PLCXD1: variants seen among roughly 807,000 people sequenced by gnomAD.
PLCXD1 encodes the protein phosphatidylinositol specific phospholipase C X domain containing 1, also known as PI-PLC X domain-containing protein 1.
Under a neutral mutation model 37.8 loss-of-function variants are expected in PLCXD1, and 45 were observed. The observed-to-expected ratio is 1.19, with a 90% CI of 0.94 to 1.53. The LOEUF is 1.53. PLCXD1 is among the 40% of genes most tolerant of loss of function. PLCXD1 has a pLI of 0.00. For missense variants in PLCXD1, 539 were observed against 454.7 expected (o/e 1.19, Z -1.69); for synonymous variants, 246 against 206.9 (o/e 1.19, Z -1.62).
chrX:299,003 C>G (rs1332668483), intron 6 of PLCXD1, 94 bp from the exon 7 acceptor site: 3 of 963,074 alleles, frequency 3.1e-6, no homozygotes, highest in Non-Finnish European at 5.0e-6. Context: ...CTCTTAATTC[C>G]TGAGATGCGA....
intron 6 of PLCXD1, among the ~76,000 whole-genome samples, chrX:295,844 T>C (rs1168937382): frequency 2.0e-5 from 3 of 151,282 alleles, no homozygotes; most frequent in African/African-American, 7.3e-5. Flanking sequence ...TTTTTGTTTG[T>C]GTGTTTGTTT....
intron 2 of PLCXD1, among the ~76,000 whole-genome samples, 197 bp downstream of exon 2, chrX:284,511 C>G (rs776933818): frequency 1.3e-5 from 2 of 152,312 alleles, no homozygotes; most frequent in African/African-American, 2.4e-5. Context: ...CACATATGTA[C>G]ATAGTCATGG....
intron 3 of PLCXD1, among the ~76,000 whole-genome samples, chrX:290,399 C>T (rs2069591491): frequency 6.6e-6 from 1 of 151,042 alleles, no homozygotes; most frequent in Non-Finnish European, 1.5e-5. Flanking sequence ...CACTGCACTC[C>T]AGCCTGGGTG....
At chrX:283,535 C>T (rs1280923909) in intron 1 of PLCXD1, 1 of 143,910 alleles carries the variant, frequency 6.9e-6, no homozygotes, top group Admixed American at 7.0e-5. Flanking sequence ...TGGGGGCGGC[C>T]GTGGTGTCAG....
At chrX:283,858 C>T (rs28393947) in intron 1 of PLCXD1, 139,341 of 198,858 alleles carry the variant, frequency 0.7, 49,882 homozygotes, top group African/African-American at 0.72. Context: ...CCAAGGACCC[C>T]TTTTCCTCTC....
At position 302,594 on chromosome X, in the gene PLCXD1, C is replaced by G. The variant is rs57503874; in HGVS notation, c.*3259C>G. The G allele has an allele frequency of 6.6e-6, 1 of 151,434 alleles. No individual in the cohort carries two copies. Among genetic ancestry groups the G allele is most frequent in the South Asian group, 2.1e-4 (1 of 4,774 alleles). 9.4% of individuals were successfully genotyped at this position (151,434 alleles called of 1,614,324 possible). A position where few individuals can be genotyped will look rare whatever the true frequency, so the allele number is the denominator to read the frequency against. Reference sequence around the variant, plus strand: ...TTGTATTTTTATTTATGTTTTGAGACGGAGTTTCGCTCTCGTTGCCGAGGC... The same window carrying G: ...TTGTATTTTTATTTATGTTTTGAGAGGGAGTTTCGCTCTCGTTGCCGAGGC... On this transcript the variant is annotated 3_prime_UTR_variant, in exon 7 of 7. Coordinates refer to ENST00000381657, the MANE Select transcript of PLCXD1 (RefSeq NM_018390.4).
intron 1 of PLCXD1, chrX:283,582 G>T (rs1395378684): frequency 6.9e-6 from 1 of 145,006 alleles, no homozygotes; most frequent in South Asian, 2.1e-4. Context: ...AGGCCCGGGT[G>T]GGGGCGGCCG....
rs777367826 is a variant in PLCXD1, at chrX:300,657, TAC to T, written c.*1327_*1328del. ...ATGTATATGTGTGTATGCGTGTATA[TAC>T]ACACGTATACATATATACGTGCGTG... On this transcript the variant is annotated 3_prime_UTR_variant, in exon 7 of 7. Coordinates refer to ENST00000381657, the MANE Select transcript of PLCXD1 (RefSeq NM_018390.4). The T allele has an allele frequency of 1.5e-3, 234 of 152,198 alleles. 1 individual carries two copies. Among genetic ancestry groups the T allele is most frequent in the African/African-American group, 5.0e-3 (207 of 41,506 alleles). 9.4% of individuals were successfully genotyped at this position (152,198 alleles called of 1,614,324 possible).
At chrX:296,940 G>A (rs1324431220) in intron 6 of PLCXD1, among the ~76,000 whole-genome samples, 1 of 133,488 alleles carries the variant, frequency 7.5e-6, no homozygotes. Flanking sequence ...ATCACATGGG[G>A]ATTAGGACGT....
rs374409639 is a variant in PLCXD1, at chrX:284,262, G to A, written c.75G>A (p.Ser25=). Residue 25 remains serine, a synonymous_variant, in exon 2 of 7, where the codon TCG becomes TCA. Coordinates refer to ENST00000381657, the MANE Select transcript of PLCXD1 (RefSeq NM_018390.4). ...HCRNANEDWM[S]ALCPRLWDVP... ...GAAATGCCAACGAGGACTGGATGTC[G>A]GCACTGTGTCCCCGGCTCTGGGATG... is the stretch of plus-strand genomic sequence containing the variant. 1.5e-5 allele frequency: 24 copies of A among 1,613,448 alleles called. No individual in the cohort carries two copies. Among genetic ancestry groups the A allele is most frequent in the Middle Eastern group, 1.7e-4 (1 of 5,786 alleles).
intron 2 of PLCXD1, among the ~76,000 whole-genome samples, chrX:287,062 G>A (rs1189589495): frequency 1.3e-5 from 2 of 151,920 alleles, no homozygotes; most frequent in African/African-American, 4.8e-5. Flanking sequence ...GGTGGCTCAC[G>A]CCTGTAATCC....
intron 3 of PLCXD1, among the ~76,000 whole-genome samples, chrX:289,607 G>T (rs1020499224): frequency 2.5e-4 from 37 of 149,598 alleles, no homozygotes; most frequent in Admixed American, 2.2e-3. Context: ...CGCCTCCCGG[G>T]TTCACGCCAT....
Position 292,131 on chromosome X carries a change from C to A in PLCXD1, c.549+477C>A, listed in dbSNP as rs369888154. Among the ~76,000 whole-genome samples, 17 of 151,660 alleles carry A rather than the reference C, an allele frequency of 1.1e-4. No individual in the cohort carries two copies. In the East Asian group the frequency reaches 3.3e-3, roughly 30 times the overall value. The stretch of plus-strand genomic sequence containing the variant: ...CCTGGCCAACATGGTGAAACCCCGT[C>A]TCTACTAAAAATACCAAAATTATCT... On this transcript the variant is annotated intron_variant, in intron 5 of 6. Transcript: ENST00000381657.
intron 1 of PLCXD1, among the ~76,000 whole-genome samples, chrX:282,434 G>A (rs1295842951): frequency 1.3e-5 from 2 of 151,720 alleles, no homozygotes; most frequent in African/African-American, 4.8e-5. Context: ...GCTGGGCACC[G>A]TGGCTCACGC....
chrX:288,348 T>C (rs907115383), intron 2 of PLCXD1, among the ~76,000 whole-genome samples: 10 of 150,658 alleles, frequency 6.6e-5, no homozygotes, highest in African/African-American at 2.4e-4. Context: ...CTCTCCCAGC[T>C]CCTGGGGGCT....
At chrX:284,354 A>T (rs1265266778) in intron 2 of PLCXD1, 40 bp downstream of exon 2, 3 of 1,608,886 alleles carry the variant, frequency 1.9e-6, no homozygotes, top group Non-Finnish European at 2.5e-6. Context: ...CCTCTATCCC[A>T]GGTGACGGCA....
At chrX:290,599 C>T in intron 3 of PLCXD1, 49 bp from the exon 4 acceptor site, 3 of 1,607,310 alleles carry the variant, frequency 1.9e-6, no homozygotes, top group Non-Finnish European at 1.7e-6. Context: ...CTGAGCCCCC[C>T]AGACGCGGCG....
chrX:296,923 T>C (rs866432970), intron 6 of PLCXD1, among the ~76,000 whole-genome samples: 225 of 103,176 alleles, frequency 2.2e-3, no homozygotes, highest in African/African-American at 9.4e-3. Context: ...GGGCCATTAT[T>C]CTGTCTATCA....
Position 283,523 on chromosome X carries a change from A to AGTGGGGGCGGCCTTGGTGTCAGGCCCGG in PLCXD1, c.-21-632_-21-631insTTGGTGTCAGGCCCGGGTGGGGGCGGCC, listed in dbSNP as rs1557375328. The AGTGGGGGCGGCCTTGGTGTCAGGCCCGG allele has an allele frequency of 1.4e-3, 127 of 93,860 alleles. 3 individuals are homozygous for AGTGGGGGCGGCCTTGGTGTCAGGCCCGG. Among genetic ancestry groups the AGTGGGGGCGGCCTTGGTGTCAGGCCCGG allele is most frequent in the African/African-American group, 4.4e-3 (108 of 24,368 alleles). 5.8% of individuals were successfully genotyped at this position (93,860 alleles called of 1,614,324 possible). ...CATGATGTTCCACACGCCTGAGGGT[A>AGTGGGGGCGGCCTTGGTGTCAGGCCCGG]GTGGGGGCGGCCGTGGTGTCAGGCC... On this transcript the variant is annotated intron_variant, in intron 1 of 6. Coordinates refer to ENST00000381657, the MANE Select transcript of PLCXD1 (RefSeq NM_018390.4).
Sources: allele counts gnomAD v4.1 joint callset (sites outside exome capture counted in the v4.1 genomes callset), GRCh38; gene constraint gnomAD v4.1.1; transcripts MANE v1.5; gene names NCBI Gene and HGNC (gene_info 2026-07-23, HGNC 2026-07-21).